CCDC102B: variants seen among roughly 807,000 people sequenced by gnomAD.
CCDC102B encodes the protein coiled-coil domain-containing protein 102B.
CCDC102B carries 75 observed loss-of-function variants against 57.4 expected under a neutral mutation model. That is an observed-to-expected ratio of 1.31 (90% confidence interval 1.08 to 1.58). The LOEUF (loss-of-function observed/expected upper bound fraction) is 1.58. Among genes scored for constraint, CCDC102B ranks in the 40% most tolerant of loss-of-function variants. The pLI is 0.00. For missense variants in CCDC102B, 636 were observed against 582.6 expected (o/e 1.09, Z -0.94); for synonymous variants, 206 against 201.9 (o/e 1.02, Z -0.17).
chr18:68,819,091 A>T (rs944228782), intron 1 of CCDC102B, among the ~76,000 whole-genome samples: 1 of 152,092 alleles, frequency 6.6e-6, no homozygotes, highest in Non-Finnish European at 1.5e-5. Flanking sequence ...TCTTCTCATG[A>T]ACAGAAATTC....
At chr18:68,954,029 G>A (rs1316362591) in intron 6 of CCDC102B, among the ~76,000 whole-genome samples, 1 of 151,856 alleles carries the variant, frequency 6.6e-6, no homozygotes, top group Middle Eastern at 3.2e-3. Flanking sequence ...TTATATAGGG[G>A]AAGAAAATTT....
chr18:68,857,318 A>AT (rs58486683), intron 4 of CCDC102B, among the ~76,000 whole-genome samples: 3 of 4,926 alleles, frequency 6.1e-4, no homozygotes, highest in African/African-American at 1.4e-3. Context: ...ATATTTATAT[A>AT]TTATATATAT....
At chr18:69,007,939 C>A (rs1252704483) in intron 6 of CCDC102B, among the ~76,000 whole-genome samples, 1 of 152,154 alleles carries the variant, frequency 6.6e-6, no homozygotes, top group Non-Finnish European at 1.5e-5. Flanking sequence ...TTGCTTACTC[C>A]TTTTAAATCG....
chr18:68,840,647 C>T (rs189624470), intron 3 of CCDC102B, among the ~76,000 whole-genome samples: 38 of 152,216 alleles, frequency 2.5e-4, no homozygotes, highest in South Asian at 1.5e-3. Flanking sequence ...TTCTAATCTC[C>T]GTGGTTTTAC....
chr18:68,842,433 A>T (rs943027925), intron 3 of CCDC102B, among the ~76,000 whole-genome samples: 2 of 152,046 alleles, frequency 1.3e-5, no homozygotes, highest in Middle Eastern at 3.2e-3. Flanking sequence ...TTCACTGCCA[A>T]ATGAAACAGA....
chr18:68,805,473 G>A (rs1385902859), intron 1 of CCDC102B, among the ~76,000 whole-genome samples: 2 of 152,144 alleles, frequency 1.3e-5, no homozygotes, highest in East Asian at 3.9e-4. Context: ...AGCAAGTAGG[G>A]TCAAGAGAAT....
upstream of CCDC102B, among the ~76,000 whole-genome samples, chr18:68,795,167 G>A (rs2035589575): frequency 1.3e-5 from 2 of 152,016 alleles, no homozygotes; most frequent in African/African-American, 4.8e-5. Flanking sequence ...AAGAACTTAG[G>A]AATAGCAAAG....
intron 4 of CCDC102B, among the ~76,000 whole-genome samples, chr18:68,863,734 G>T (rs559825690): frequency 1.3e-5 from 2 of 151,480 alleles, no homozygotes; most frequent in Non-Finnish European, 3.0e-5. Flanking sequence ...TCTTTTTTTA[G>T]TATCAATATT....
At chr18:68,808,468 CTTTTTTTTTT>C (rs1157601164) in intron 1 of CCDC102B, among the ~76,000 whole-genome samples, 7 of 91,786 alleles carry the variant, frequency 7.6e-5, no homozygotes, top group African/African-American at 2.1e-4. Context: ...GCTTTTACTA[CTTTTTTTTTT>C]TTTTTTTTTT....
intron 1 of CCDC102B, among the ~76,000 whole-genome samples, chr18:68,716,223 G>T (rs980787196): frequency 6.6e-6 from 1 of 151,340 alleles, no homozygotes; most frequent in African/African-American, 2.4e-5. Flanking sequence ...TAGTACCATC[G>T]CCTCGATACT....
chr18:68,993,112 G>T, intron 6 of CCDC102B: 1 of 156,114 alleles, frequency 6.4e-6, no homozygotes, highest in South Asian at 1.7e-4. Context: ...CGCTTATAGT[G>T]GCAGTTGCCC....
chr18:69,013,162 G>C (rs953078012), intron 7 of CCDC102B, among the ~76,000 whole-genome samples: 5 of 152,030 alleles, frequency 3.3e-5, no homozygotes, highest in Non-Finnish European at 5.9e-5. Flanking sequence ...TTAAAAATAT[G>C]ATCTATTCGC....
intron 3 of CCDC102B, among the ~76,000 whole-genome samples, chr18:68,840,192 A>C (rs752119231): frequency 4.6e-5 from 7 of 152,212 alleles, no homozygotes; most frequent in Non-Finnish European, 7.3e-5. Context: ...TCTTAGTTAT[A>C]AAAATCTTAA....
At chr18:68,869,282 C>A (rs908157232) in intron 4 of CCDC102B, among the ~76,000 whole-genome samples, 1 of 152,034 alleles carries the variant, frequency 6.6e-6, no homozygotes, top group Admixed American at 6.6e-5. Context: ...TGACACCAAG[C>A]AAGACAGAGA....
Position 68,897,249 on chromosome 18 carries a change from G to A in CCDC102B, c.1084G>A (p.Glu362Lys), listed in dbSNP as rs1311171391. The A allele has an allele frequency of 1.2e-6, 2 of 1,612,730 alleles. No homozygotes were observed. The highest frequency in any genetic ancestry group is 2.2e-5 in the East Asian group (1 of 44,878). Reference protein sequence around the residue: ...LERLQAENTSEWDKREILERE... With the variant: ...LERLQAENTSKWDKREILERE... ...GAGATTGCAAGCTGAAAATACCTCG[G>A]AGTGGGACAAGAGGGAAATACTTGA... The change falls in exon 6 of 8, where the codon GAG (glutamate) becomes AAG (lysine). Residue 362 changes from glutamate (E) to lysine (K), a missense_variant. Physicochemically the swap from Glu to Lys is moderately conservative, Grantham distance 56. Transcript: ENST00000360242.
intron 1 of CCDC102B, among the ~76,000 whole-genome samples, chr18:68,832,482 A>G (rs550507797): frequency 6.6e-6 from 1 of 152,072 alleles, no homozygotes; most frequent in South Asian, 2.1e-4. Context: ...TATTCAACCC[A>G]CTTTATTTTG....
intron 7 of CCDC102B, among the ~76,000 whole-genome samples, chr18:69,013,317 G>C (rs2051570671): frequency 6.6e-6 from 1 of 151,998 alleles, no homozygotes. Flanking sequence ...TTACAAGATG[G>C]AGATAAATAA....
At chr18:68,965,321 A>G (rs1205740538) in intron 6 of CCDC102B, among the ~76,000 whole-genome samples, 4 of 148,674 alleles carry the variant, frequency 2.7e-5, no homozygotes, top group Admixed American at 6.7e-5. Flanking sequence ...TTTTTTTCCC[A>G]TTTGTTCCCC....
intron 6 of CCDC102B, among the ~76,000 whole-genome samples, chr18:68,917,773 A>G (rs1173578535): frequency 1.3e-5 from 2 of 152,184 alleles, no homozygotes; most frequent in Non-Finnish European, 1.5e-5. Context: ...TTATTTACCA[A>G]GAATCGCTAT....
Sources: gnomAD v4.1 joint callset for allele counts (sites outside exome capture counted in the v4.1 genomes callset) on GRCh38, gnomAD v4.1.1 for gene constraint, MANE v1.5 for transcripts, NCBI Gene and HGNC (gene_info 2026-07-23, HGNC 2026-07-21) for gene names.